KANK4: variants seen among roughly 807,000 people sequenced by gnomAD.
KANK4 encodes KN motif and ankyrin repeat domain-containing protein 4.
In KANK4, 50 loss-of-function variants were observed where a neutral mutation model predicts 80.8. The ratio of observed to expected loss-of-function variants is 0.62; its 90% CI spans 0.49 to 0.78. The LOEUF (loss-of-function observed/expected upper bound fraction) is 0.78. Ranked by LOEUF, KANK4 falls within the 30% of genes least tolerant of loss-of-function variation. The probability of loss-of-function intolerance (pLI) is 0.00; values close to 1 mark genes in which losing one functional copy is unlikely to be tolerated. For synonymous variants in KANK4, 465 were observed against 506.9 expected (o/e 0.92, Z 1.11); for missense variants, 1,196 against 1,240.1 (o/e 0.96, Z 0.53).
At chr1:62,252,330 T>C (rs1431559457) in intron 8 of KANK4, among the ~76,000 whole-genome samples, 7 of 152,240 alleles carry the variant, frequency 4.6e-5, no homozygotes, top group African/African-American at 1.7e-4. Context: ...GCCTGGCCCA[T>C]AGCACTGCTC....
intron 8 of KANK4, among the ~76,000 whole-genome samples, chr1:62,250,268 G>A (rs931633593): frequency 2.0e-5 from 3 of 152,088 alleles, no homozygotes; most frequent in East Asian, 3.9e-4. Context: ...GATCATAGGC[G>A]TGAGCCACCG....
chr1:62,300,672 C>A (rs754172869), intron 1 of KANK4, among the ~76,000 whole-genome samples: 20 of 152,034 alleles, frequency 1.3e-4, no homozygotes, highest in Non-Finnish European at 2.9e-4. Flanking sequence ...GGTTGGAAGT[C>A]AGCTCATTTT....
intron 5 of KANK4, among the ~76,000 whole-genome samples, chr1:62,267,931 C>T (rs1327256278): frequency 2.0e-5 from 3 of 152,172 alleles, no homozygotes; most frequent in Non-Finnish European, 4.4e-5. Flanking sequence ...CCCCACACTT[C>T]CCTAAGTCTC....
intron 1 of KANK4, among the ~76,000 whole-genome samples, chr1:62,314,435 T>C (rs1213282084): frequency 6.6e-6 from 1 of 152,200 alleles, no homozygotes; most frequent in African/African-American, 2.4e-5. Context: ...TCAGCCCTGC[T>C]GCCTGGTGCC....
chr1:62,285,817 T>C (rs972174306), intron 1 of KANK4, among the ~76,000 whole-genome samples: 2 of 151,278 alleles, frequency 1.3e-5, no homozygotes, highest in Non-Finnish European at 2.9e-5. Context: ...TACCTTGGAC[T>C]GATCATGCCA....
At chr1:62,244,837 G>A (rs1259996124) in intron 9 of KANK4, among the ~76,000 whole-genome samples, 1 of 152,176 alleles carries the variant, frequency 6.6e-6, no homozygotes, top group Non-Finnish European at 1.5e-5. Flanking sequence ...ATTACAGGCA[G>A]AAGCCACTGC....
intron 4 of KANK4, among the ~76,000 whole-genome samples, chr1:62,270,292 T>C (rs773817793): frequency 2.0e-5 from 3 of 152,114 alleles, no homozygotes; most frequent in Non-Finnish European, 4.4e-5. Context: ...GTACATGAAC[T>C]GTGAAAGCAC....
At chr1:62,240,279 T>A (rs2149112122) in intron 9 of KANK4, among the ~76,000 whole-genome samples, 1 of 152,348 alleles carries the variant, frequency 6.6e-6, no homozygotes, top group South Asian at 2.1e-4. Flanking sequence ...TGATGAGCAT[T>A]TTTTCATGTG....
chr1:62,246,476 T>A (rs1671468805), intron 9 of KANK4, among the ~76,000 whole-genome samples: 2 of 152,292 alleles, frequency 1.3e-5, no homozygotes, highest in Non-Finnish European at 2.9e-5. Context: ...CATGACCAGA[T>A]GAGACTCAGG....
At position 62,260,010 on chromosome 1, in the gene KANK4, C is replaced by T. The variant is rs562313699; in HGVS notation, c.2539+3082G>A. Among the ~76,000 whole-genome samples the T allele has an allele frequency of 3.9e-5, 6 of 152,226 alleles. No individual in the cohort carries two copies. In the South Asian group the frequency reaches 1.2e-3, roughly 32 times the overall value. ...TGTCTTTGATTGACTGTTAACTACC[C>T]CTTTCCAGTCTGTAACCCTGATTCT... On this transcript the variant is annotated intron_variant, in intron 7 of 9. Transcript: ENST00000371153.
At chr1:62,252,320 G>T (rs979948163) in intron 8 of KANK4, among the ~76,000 whole-genome samples, 2 of 152,258 alleles carry the variant, frequency 1.3e-5, no homozygotes, top group African/African-American at 4.8e-5. Flanking sequence ...GCTGCTCCCA[G>T]CCTGGCCCAT....
chr1:62,274,511 C>CT lies in KANK4; in HGVS notation c.592dup (p.Ser198LysfsTer4), dbSNP rs1170774530. 1.9e-6 allele frequency: 3 copies of CT among 1,614,118 alleles called. No homozygotes were observed. The highest frequency in any genetic ancestry group is 2.5e-6 in the Non-Finnish European group (3 of 1,180,044). ...AGGTTCAAAGGTGCCATCACAGACA[C>CT]TGCCTTCACCCTGAAGGGGAGGGAG... On this transcript the variant is annotated frameshift_variant, in exon 3 of 10. Coordinates refer to ENST00000371153, the MANE Select transcript of KANK4 (RefSeq NM_181712.5). LOFTEE classifies it high-confidence loss of function.
chr1:62,302,729 G>A (rs1644422023), intron 1 of KANK4, among the ~76,000 whole-genome samples: 2 of 152,244 alleles, frequency 1.3e-5, no homozygotes, highest in South Asian at 4.1e-4. Context: ...TTTGACCCAG[G>A]ACTTCCAGCC....
chr1:62,284,693 C>T (rs77269125), intron 1 of KANK4, among the ~76,000 whole-genome samples: 4,263 of 152,272 alleles, frequency 0.028, 73 homozygotes, highest in Middle Eastern at 0.048. Context: ...GGTGTTATTA[C>T]GTTACTTTTC....
rs779025573 is a variant in KANK4, at chr1:62,273,845, T to G, written c.1259A>C (p.His420Pro). The change falls in exon 3 of 10, where the codon CAT (histidine) becomes CCT (proline). Residue 420 changes from histidine (H) to proline (P), a missense_variant. His to Pro is a moderately conservative substitution (Grantham distance 77). Coordinates refer to ENST00000371153, the MANE Select transcript of KANK4 (RefSeq NM_181712.5). ...ACACGACTCCCTGGTCAAGAGTCCA[T>G]GGACAGGGTCAGTGTTCACCATCAC... ...TDVMVNTDPV[H>P]GLLTRESCDK... 6.2e-7 allele frequency: 1 copy of G among 1,614,096 alleles called. No individual in the cohort carries two copies. Among genetic ancestry groups the G allele is most frequent in the Non-Finnish European group, 8.5e-7 (1 of 1,180,046 alleles).
intron 6 of KANK4, among the ~76,000 whole-genome samples, chr1:62,264,478 T>A (rs774169052): frequency 5.9e-5 from 9 of 152,220 alleles, no homozygotes; most frequent in Non-Finnish European, 1.2e-4. Flanking sequence ...TTGGAAGTCA[T>A]ACAACCTTTT....
intron 1 of KANK4, among the ~76,000 whole-genome samples, chr1:62,316,568 T>C (rs896086598): frequency 6.6e-6 from 1 of 152,226 alleles, no homozygotes; most frequent in Non-Finnish European, 1.5e-5. Context: ...TCTGTAAAAT[T>C]GAAGTCCAAA....
chr1:62,268,368 C>T lies in KANK4; in HGVS notation c.2150G>A (p.Gly717Glu). Residue 717 changes from glycine to glutamate, a missense_variant, in exon 5 of 10, where the codon GGG becomes GAG. Gly to Glu is a moderately conservative substitution (Grantham distance 98). Around this residue, in one of 3 missense-constraint regions of KANK4, gnomAD observed 1,154 missense variants for 1,179.6 expected, o/e 0.98. Transcript: ENST00000371153. ...GCAGGTGCCCTCAGGGATGCCCTGC[C>T]CAGCCTCGCAGGTGAGATGGGCATC... ...VKDAHLTCEA[G>E]QGIPEGTCHA... 6.2e-7 allele frequency: 1 copy of T among 1,614,078 alleles called. No individual in the cohort carries two copies. The highest frequency in any genetic ancestry group is 8.5e-7 in the Non-Finnish European group (1 of 1,180,002).
At chr1:62,264,618 C>T (rs1395446030) in intron 6 of KANK4, among the ~76,000 whole-genome samples, 10 of 152,066 alleles carry the variant, frequency 6.6e-5, no homozygotes, top group East Asian at 1.9e-4. Flanking sequence ...AGACAGTATC[C>T]GGTGCTTTGA....
Sources: gnomAD v4.1 joint callset for allele counts (sites outside exome capture counted in the v4.1 genomes callset) on GRCh38, gnomAD v4.1.1 for gene constraint, gnomAD v4.1.1 regional missense constraint, MANE v1.5 for transcripts, NCBI Gene and HGNC (gene_info 2026-07-23, HGNC 2026-07-21) for gene names.